Variants in C12orf56 observed in about 807,000 individuals in gnomAD.
The protein encoded by C12orf56 is uncharacterized protein C12orf56.
C12orf56 carries 71 observed loss-of-function variants against 69.9 expected under a neutral mutation model. That is an observed-to-expected ratio of 1.02 (90% confidence interval 0.84 to 1.24). The LOEUF (loss-of-function observed/expected upper bound fraction) is 1.24, where lower values mean the gene tolerates loss of function less well. Ranked by LOEUF, C12orf56 falls within the 50% of genes most tolerant of loss-of-function variation. C12orf56 has a pLI of 0.00. For synonymous variants in C12orf56, 276 were observed against 274.1 expected (o/e 1.01, Z -0.07); for missense variants, 732 against 738.5 (o/e 0.99, Z 0.10).
intron 8 of C12orf56, among the ~76,000 whole-genome samples, chr12:64,278,265 G>A (rs1270585728): frequency 6.6e-6 from 1 of 152,170 alleles, no homozygotes; most frequent in Admixed American, 6.5e-5. Flanking sequence ...AATATGCACA[G>A]TGTATCTCTG....
chr12:64,307,053 C>T (rs535679919), intron 5 of C12orf56, among the ~76,000 whole-genome samples: 35 of 152,262 alleles, frequency 2.3e-4, no homozygotes, highest in African/African-American at 7.7e-4. Flanking sequence ...ACTCATCCTT[C>T]TTGCCTTCAG....
rs1250672209 is a variant in C12orf56, at chr12:64,299,183, T to C, written c.1113+4452A>G. On this transcript the variant is annotated intron_variant, in intron 6 of 12. Transcript: ENST00000543942. ...GTTCACTCATGATTTGGCTCTCTGT[T>C]TGTCTGTTATTGGTGTATAGGAATG... 2.0e-5 allele frequency among the ~76,000 whole-genome samples: 3 copies of C among 152,188 alleles called. No individual in the cohort carries two copies. The East Asian group carries it at 5.8e-4, about 29-fold the overall frequency.
chr12:64,383,319 A>T (rs1166895418), intron 1 of C12orf56, among the ~76,000 whole-genome samples: 1 of 146,962 alleles, frequency 6.8e-6, no homozygotes, highest in East Asian at 2.0e-4. Flanking sequence ...AAAAAAAAAA[A>T]CCAAGAAAAA....
chr12:64,377,469 G>A (rs768213899), intron 1 of C12orf56, among the ~76,000 whole-genome samples: 5 of 152,110 alleles, frequency 3.3e-5, no homozygotes, highest in African/African-American at 7.2e-5. Flanking sequence ...GATTACAGGC[G>A]TGAGCCACTG....
intron 11 of C12orf56, among the ~76,000 whole-genome samples, chr12:64,271,198 T>C (rs2334886): frequency 0.7 from 106,122 of 150,968 alleles, 38,427 homozygotes; most frequent in Non-Finnish European, 0.8. Context: ...TCGGGCACTG[T>C]GCCTCATCTG....
chr12:64,374,403 A>G (rs12320099), intron 1 of C12orf56, among the ~76,000 whole-genome samples: 23,805 of 152,128 alleles, frequency 0.16, 1,921 homozygotes, highest in Middle Eastern at 0.26. Flanking sequence ...AAGGATGACA[A>G]TCTTGAATGG....
chr12:64,277,655 T>C (rs1260559914), intron 9 of C12orf56, 25 bp downstream of exon 9: 4 of 1,379,384 alleles, frequency 2.9e-6, no homozygotes, highest in Non-Finnish European at 3.8e-6. Flanking sequence ...TATATAATAG[T>C]TTACCCCCCA....
chr12:64,311,412 C>CA (rs533651112), intron 5 of C12orf56, among the ~76,000 whole-genome samples: 3,808 of 100,920 alleles, frequency 0.038, 131 homozygotes, highest in African/African-American at 0.11. Flanking sequence ...GACTTTGTCT[C>CA]AAAAAAAAAA....
intron 2 of C12orf56, among the ~76,000 whole-genome samples, chr12:64,352,099 G>GTTTTTTTTTTTTTTTTTTTTTTTTT (rs55762803): frequency 6.7e-6 from 1 of 148,682 alleles, no homozygotes; most frequent in African/African-American, 2.6e-5. Flanking sequence ...TTTTGTTTTT[G>GTTTTTTTTTTTTTTTTTTTTTTTTT]TTTTTTTTTT....
intron 2 of C12orf56, among the ~76,000 whole-genome samples, chr12:64,347,523 A>T (rs1592474697): frequency 6.6e-6 from 1 of 151,796 alleles, no homozygotes; most frequent in South Asian, 2.1e-4. Context: ...TGACTTCATG[A>T]TCCTTGGCCT....
At chr12:64,293,073 G>A (rs550909939) in intron 6 of C12orf56, among the ~76,000 whole-genome samples, 3,135 of 152,182 alleles carry the variant, frequency 0.021, 93 homozygotes, top group African/African-American at 0.071. Context: ...TTTTTAAGCC[G>A]GTCTGAAAAG....
intron 1 of C12orf56, among the ~76,000 whole-genome samples, chr12:64,368,586 C>T (rs530913712): frequency 3.6e-4 from 55 of 152,248 alleles, no homozygotes; most frequent in African/African-American, 1.3e-3. Context: ...TTAAAGTGTT[C>T]TGAAGGAAAG....
intron 2 of C12orf56, among the ~76,000 whole-genome samples, chr12:64,339,178 T>C (rs1348242335): frequency 6.6e-6 from 1 of 152,166 alleles, no homozygotes; most frequent in African/African-American, 2.4e-5. Context: ...CATGTAAAAA[T>C]GTTAACGTCA....
chr12:64,319,269 A>G (rs1394916473), intron 3 of C12orf56, among the ~76,000 whole-genome samples: 1 of 152,250 alleles, frequency 6.6e-6, no homozygotes, highest in Non-Finnish European at 1.5e-5. Context: ...CCTGTCCTTC[A>G]TGGAGCCCTG....
intron 6 of C12orf56, among the ~76,000 whole-genome samples, chr12:64,297,218 T>G (rs988090069): frequency 7.2e-5 from 11 of 152,310 alleles, no homozygotes; most frequent in Non-Finnish European, 1.0e-4. Context: ...TGTTGACTTT[T>G]ATTAGTCATA....
intron 2 of C12orf56, among the ~76,000 whole-genome samples, chr12:64,336,253 A>C (rs2038995289): frequency 6.6e-6 from 1 of 152,200 alleles, no homozygotes; most frequent in Admixed American, 6.5e-5. Flanking sequence ...GTGTTGTCAA[A>C]AGCCTCCACG....
chr12:64,366,927 A>G (rs1565777547), intron 1 of C12orf56, among the ~76,000 whole-genome samples: 1 of 128,818 alleles, frequency 7.8e-6, no homozygotes, highest in Non-Finnish European at 1.5e-5. Context: ...CACAGTTTAT[A>G]TATTATATAT....
At position 64,284,770 on chromosome 12, in the gene C12orf56, A is replaced by G. The variant is rs1281949575; in HGVS notation, c.1221-17T>C. 4.5e-6 allele frequency: 7 copies of G among 1,546,336 alleles called. No homozygotes were observed. The highest frequency in any genetic ancestry group is 6.1e-6 in the Non-Finnish European group (7 of 1,144,126). The stretch of plus-strand genomic sequence containing the variant: ...ATGCATGCCCTAGAAAATAAACGAT[A>G]AAAGGCAAAGAAATGGCATGATTTC... On this transcript the variant is annotated splice_polypyrimidine_tract_variant and intron_variant, in intron 7 of 12. Coordinates refer to ENST00000543942, the MANE Select transcript of C12orf56 (RefSeq NM_001170633.2).
At position 64,328,416 on chromosome 12, in the gene C12orf56, C is replaced by T. The variant is rs549659695; in HGVS notation, c.488+2544G>A. On this transcript the variant is annotated intron_variant, in intron 3 of 12. Coordinates refer to ENST00000543942, the MANE Select transcript of C12orf56 (RefSeq NM_001170633.2). ...CACACTTTGGCCAGGCACAGTGGCT[C>T]ATGCCTGTAATCCAAGCACTTTGGG... 3.3e-5 allele frequency among the ~76,000 whole-genome samples: 5 copies of T among 151,992 alleles called. No individual in the cohort carries two copies. The South Asian group carries it at 1.0e-3, about 32-fold the overall frequency.
Sources: gnomAD v4.1 joint callset for allele counts (sites outside exome capture counted in the v4.1 genomes callset) on GRCh38, gnomAD v4.1.1 for gene constraint, MANE v1.5 for transcripts, NCBI Gene and HGNC (gene_info 2026-07-23, HGNC 2026-07-21) for gene names.